Variants in TWF2 observed in about 807,000 individuals in gnomAD.
TWF2 encodes twinfilin-2.
In TWF2, 15 loss-of-function variants were observed where a neutral mutation model predicts 45.1. The observed-to-expected ratio is 0.33, with a 90% CI of 0.22 to 0.51. The LOEUF (loss-of-function observed/expected upper bound fraction) is 0.51. Ranked by LOEUF, TWF2 falls within the 20% of genes least tolerant of loss-of-function variation. The probability of loss-of-function intolerance (pLI) is 0.97; values close to 1 mark genes in which losing one functional copy is unlikely to be tolerated. For synonymous variants in TWF2, 177 were observed against 195.8 expected (o/e 0.90, Z 0.80); for missense variants, 423 against 469.1 (o/e 0.90, Z 0.91).
At chr3:52,238,727 G>A (rs1036702757) in intron 1 of TWF2, among the ~76,000 whole-genome samples, 7 of 152,134 alleles carry the variant, frequency 4.6e-5, no homozygotes, top group Non-Finnish European at 1.0e-4. Context: ...ATATACAGAT[G>A]GGCACACACA....
chr3:52,230,664 T>C (rs1216401856), intron 6 of TWF2, among the ~76,000 whole-genome samples: 5 of 151,768 alleles, frequency 3.3e-5, no homozygotes, highest in Admixed American at 1.3e-4. Flanking sequence ...AACACATCTA[T>C]GTGCACACAG....
chr3:52,231,082 T>C (rs1321465423), intron 5 of TWF2, 45 bp downstream of exon 5: 2 of 1,612,882 alleles, frequency 1.2e-6, no homozygotes, highest in African/African-American at 1.3e-5. Flanking sequence ...ACTGGGCCGA[T>C]ATGACCCTGA....
Position 52,229,755 on chromosome 3 carries a change from T to C in TWF2, c.788A>G (p.Lys263Arg). Reference sequence around the variant, plus strand: ...GAGCATTCGCTCCTTGATGCTGCACTTGTACCCCGGCATGGAGTAGATGAA... The same window carrying C: ...GAGCATTCGCTCCTTGATGCTGCACCTGTACCCCGGCATGGAGTAGATGAA... ...VVFIYSMPGY[K>R]CSIKERMLYS... The change falls in exon 8 of 9, where the codon AAG (lysine) becomes AGG (arginine). Residue 263 changes from lysine (K) to arginine (R), a missense_variant. Physicochemically the swap from Lys to Arg is conservative, Grantham distance 26. Transcript: ENST00000305533. The C allele has an allele frequency of 3.1e-6, 5 of 1,613,014 alleles. No homozygotes were observed. The South Asian group carries it at 5.5e-5, about 18-fold the overall frequency.
Position 52,231,487 on chromosome 3 carries a change from A to T in TWF2, c.335T>A (p.Phe112Tyr), listed in dbSNP as rs1372839865. 6.2e-7 allele frequency: 1 copy of T among 1,613,960 alleles called. No individual in the cohort carries two copies. The highest frequency in any genetic ancestry group is 1.1e-5 in the South Asian group (1 of 91,076). ...CTCATCCTTGATGTGGCCACCTCCAAACTCCTTTTTCACTGTGGCCCGCGT... is the reference window on the plus strand; with the variant it reads ...CTCATCCTTGATGTGGCCACCTCCATACTCCTTTTTCACTGTGGCCCGCGT... ...AATRATVKKE[F>Y]GGGHIKDELF... The change falls in exon 4 of 9, where the codon TTT becomes TAT. Residue 112 changes from phenylalanine to tyrosine, a missense_variant. By Grantham distance (22) the Phe-to-Tyr change is conservative. Coordinates refer to ENST00000305533, the MANE Select transcript of TWF2 (RefSeq NM_007284.4).
intron 1 of TWF2, among the ~76,000 whole-genome samples, chr3:52,238,146 G>T (rs1397389201): frequency 6.6e-6 from 1 of 152,188 alleles, no homozygotes; most frequent in African/African-American, 2.4e-5. Context: ...GGGGGTGGGA[G>T]CTGGCCTGGA....
At chr3:52,232,444 C>G (rs1240781357) in intron 2 of TWF2, among the ~76,000 whole-genome samples, 1 of 152,110 alleles carries the variant, frequency 6.6e-6, no homozygotes, top group Non-Finnish European at 1.5e-5. Context: ...ACGGACACCA[C>G]ACCCCTGGGT....
rs1699671434 is a variant in TWF2, at chr3:52,230,922, G to A, written c.557C>T (p.Ala186Val). 1 of 1,607,738 alleles carries A rather than the reference G, an allele frequency of 6.2e-7. No individual in the cohort carries two copies. Among genetic ancestry groups the A allele is most frequent in the Non-Finnish European group, 8.5e-7 (1 of 1,177,120 alleles). ...QGLAFPLQPE[A>V]QRALQQLKQK... is the part of the protein sequence containing the mutation. ...CTTGAGCTGCTGGAGTGCCCGCTGGGCCTCAGGCTGCAGGGGGAAGGCGAG... is the reference window on the plus strand; with the variant it reads ...CTTGAGCTGCTGGAGTGCCCGCTGGACCTCAGGCTGCAGGGGGAAGGCGAG... The change falls in exon 6 of 9, where the codon GCC becomes GTC. Residue 186 changes from alanine (A) to valine (V), a missense_variant. Physicochemically the swap from Ala to Val is moderately conservative, Grantham distance 64. Coordinates refer to ENST00000305533, the MANE Select transcript of TWF2 (RefSeq NM_007284.4).
chr3:52,231,410 G>C (rs762740614), intron 4 of TWF2, 34 bp downstream of exon 4: 2 of 1,608,436 alleles, frequency 1.2e-6, no homozygotes, highest in Non-Finnish European at 1.7e-6. Flanking sequence ...GTGGGCCCAG[G>C]ATTGTGTCCC....
intron 8 of TWF2, among the ~76,000 whole-genome samples, 171 bp downstream of exon 8, chr3:52,229,490 G>T (rs756507367): frequency 3.9e-5 from 6 of 152,194 alleles, no homozygotes; most frequent in Non-Finnish European, 8.8e-5. Context: ...CTGAGCCACC[G>T]ATCAGCTGGG....
At position 52,229,214 on chromosome 3, in the gene TWF2, A is replaced by C. The variant is rs924534088; in HGVS notation, c.883-13T>G. 1 of 1,608,698 alleles carries C rather than the reference A, an allele frequency of 6.2e-7. No homozygotes were observed. The highest frequency in any genetic ancestry group is 1.3e-5 in the African/African-American group (1 of 74,896). ...CGCCAATCTCAATCTGCATGGGGCA[A>C]GGCAGTGGTCACCCCAATGGGAGGG... On this transcript the variant is annotated splice_polypyrimidine_tract_variant and intron_variant, in intron 8 of 8. Coordinates refer to ENST00000305533, the MANE Select transcript of TWF2 (RefSeq NM_007284.4).
In TWF2 at chr3:52,229,030, C is replaced by A. The variant is rs1559439877; in HGVS notation, c.*4G>T. 1 of 1,610,554 alleles carries A rather than the reference C, an allele frequency of 6.2e-7. No individual in the cohort carries two copies. The highest frequency in any genetic ancestry group is 8.5e-7 in the Non-Finnish European group (1 of 1,179,318). On this transcript the variant is annotated 3_prime_UTR_variant, in exon 9 of 9. Coordinates refer to ENST00000305533, the MANE Select transcript of TWF2 (RefSeq NM_007284.4). ...CCACACGTGGCCGGCCCTGCTCCAG[C>A]CTCCTAGCTGTCATCCCCATTTTCA...
chr3:52,229,522 G>T, intron 8 of TWF2, 139 bp downstream of exon 8: 1 of 1,419,674 alleles, frequency 7.0e-7, no homozygotes, highest in Non-Finnish European at 9.4e-7. Context: ...CATGCGTGTT[G>T]CTCCTTGGGC....
chr3:52,230,985 T>C lies in TWF2; in HGVS notation c.494A>G (p.Glu165Gly), dbSNP rs373959049. 1 of 1,606,102 alleles carries C rather than the reference T, an allele frequency of 6.2e-7. No homozygotes were observed. The highest frequency in any genetic ancestry group is 1.1e-5 in the South Asian group (1 of 90,332). ...CTGGTGCTTGCTTTCCACACTGATC[T>C]CTGTCTTCACCTGTGGGTAGGGGAA... Reference protein sequence around the residue: ...QQIRINEVKTEISVESKHQTL... With the variant: ...QQIRINEVKTGISVESKHQTL... Residue 165 changes from glutamate to glycine, a missense_variant, in exon 6 of 9, where the codon GAG becomes GGG. Coordinates refer to ENST00000305533, the MANE Select transcript of TWF2 (RefSeq NM_007284.4).
intron 2 of TWF2, among the ~76,000 whole-genome samples, chr3:52,234,264 A>C (rs59672625): frequency 0.022 from 3,357 of 152,094 alleles, 133 homozygotes; most frequent in African/African-American, 0.077. Flanking sequence ...AGCTGGGAGG[A>C]CCTCTGGGGA....
chr3:52,235,540 T>TCACACACACACA (rs149768402), intron 1 of TWF2, among the ~76,000 whole-genome samples: 1 of 147,844 alleles, frequency 6.8e-6, no homozygotes, highest in African/African-American at 2.5e-5. Flanking sequence ...CTATGCCCAT[T>TCACACACACACA]CACACACACA....
chr3:52,232,142 G>A lies in TWF2; in HGVS notation c.104-20C>T, dbSNP rs373755842. 8.6e-6 allele frequency: 13 copies of A among 1,518,414 alleles called. No homozygotes were observed. The highest frequency in any genetic ancestry group is 3.8e-4 in the Middle Eastern group (2 of 5,268). 94.1% of individuals were successfully genotyped at this position (1,518,414 alleles called of 1,614,324 possible). Reference sequence around the variant, plus strand: ...GCTGCTCTGGGGGCAGAGGCCGGATGAGCAGCCGCTCCCAGCTCCCACTGC... The same window carrying A: ...GCTGCTCTGGGGGCAGAGGCCGGATAAGCAGCCGCTCCCAGCTCCCACTGC... On this transcript the variant is annotated intron_variant, in intron 2 of 8. Transcript: ENST00000305533.
chr3:52,230,002 G>A lies in TWF2; in HGVS notation c.678C>T (p.Pro226=), dbSNP rs763081034. The A allele has an allele frequency of 1.2e-6, 2 of 1,612,174 alleles. No individual in the cohort carries two copies. The highest frequency in any genetic ancestry group is 1.7e-6 in the Non-Finnish European group (2 of 1,179,898). The change falls in exon 7 of 9, where the codon CCC becomes CCT. Residue 226 remains proline, a synonymous_variant. Coordinates refer to ENST00000305533, the MANE Select transcript of TWF2 (RefSeq NM_007284.4). ...GGGCAGCATCTCGGGGCACCCGGGAGGGCAGCTGGGCCACATCCGTGGGCT... is the reference window on the plus strand; with the variant it reads ...GGGCAGCATCTCGGGGCACCCGGGAAGGCAGCTGGGCCACATCCGTGGGCT... ...HTEPTDVAQL[P]SRVPRDAARY... is the part of the protein sequence containing the mutation.
intron 2 of TWF2, among the ~76,000 whole-genome samples, chr3:52,233,375 C>T (rs1266835709): frequency 1.3e-5 from 2 of 152,236 alleles, no homozygotes; most frequent in African/African-American, 4.8e-5. Flanking sequence ...TAGTCACGGC[C>T]TGTGTTGGCC....
At chr3:52,235,733 C>T (rs566691302) in intron 1 of TWF2, among the ~76,000 whole-genome samples, 27 of 152,316 alleles carry the variant, frequency 1.8e-4, no homozygotes, top group Non-Finnish European at 2.9e-4. Flanking sequence ...CTTGCTAACA[C>T]GCACACAGGC....
Sources: allele counts gnomAD v4.1 joint callset (sites outside exome capture counted in the v4.1 genomes callset), GRCh38; gene constraint gnomAD v4.1.1; transcripts MANE v1.5; gene names NCBI Gene and HGNC (gene_info 2026-07-23, HGNC 2026-07-21).